PEX3: variants seen among roughly 807,000 people sequenced by gnomAD.
The protein encoded by PEX3 is peroxin-3.
PEX3 carries 30 observed loss-of-function variants against 55.8 expected under a neutral mutation model. That is an observed-to-expected ratio of 0.54 (90% CI 0.40 to 0.73). The LOEUF (loss-of-function observed/expected upper bound fraction) is 0.73, where lower values mean the gene tolerates loss of function less well. Ranked by LOEUF, PEX3 falls within the 30% of genes least tolerant of loss-of-function variation. The pLI is 0.00. For missense variants in PEX3, 351 were observed against 432.8 expected, an observed-to-expected ratio of 0.81 and a Z score of 1.68; for synonymous variants, 135 against 148.4, an observed-to-expected ratio of 0.91 and a Z score of 0.66.
chr6:143,456,572 A>G (rs1259677753), intron 1 of PEX3, among the ~76,000 whole-genome samples: 1 of 152,202 alleles, frequency 6.6e-6, no homozygotes, highest in African/African-American at 2.4e-5. Flanking sequence ...GTGTAAGGGA[A>G]AGATCTATTC....
At chr6:143,467,791 G>A (rs1484364026) in intron 3 of PEX3, among the ~76,000 whole-genome samples, 1 of 152,000 alleles carries the variant, frequency 6.6e-6, no homozygotes, top group African/African-American at 2.4e-5. Context: ...TACCTTTGAA[G>A]GATTATAGGA....
At chr6:143,467,282 A>G (rs1218384726) in intron 3 of PEX3, among the ~76,000 whole-genome samples, 2 of 152,090 alleles carry the variant, frequency 1.3e-5, no homozygotes, top group East Asian at 3.8e-4. Flanking sequence ...CCTTTTGACT[A>G]ATTTTAGACT....
rs9484753 is a variant in PEX3 at position 143,488,856 on chromosome 6, C to G, written c.1039-287C>G. On this transcript the variant is annotated intron_variant, in intron 11 of 11. Coordinates refer to ENST00000367591, the MANE Select transcript of PEX3 (RefSeq NM_003630.3). The surrounding 1 kb of genome is among the most constrained non-coding windows in gnomAD (Gnocchi z 4.9). ...CTACAATTATTTATTCAACAGATAC[C>G]TATCTAGCACTTGACATACACCAAA... Among the ~76,000 whole-genome samples, 4,634 of 152,156 alleles carry G rather than the reference C, an allele frequency of 0.03. 183 individuals are homozygous for G. Among genetic ancestry groups the G allele is most frequent in the Admixed American group, 0.1 (1,600 of 15,266 alleles).
chr6:143,458,280 T>TG lies in PEX3; in HGVS notation c.74-804dup, dbSNP rs1212371961. Among the ~76,000 whole-genome samples, 1 of 152,192 alleles carries TG rather than the reference T, an allele frequency of 6.6e-6. No individual in the cohort carries two copies. The highest frequency in any genetic ancestry group is 1.5e-5 in the Non-Finnish European group (1 of 68,024). Reference sequence around the variant, plus strand: ...GAAATCTGTTAAATCACAGGCCACATGACACCACCTATATTCTTATCCTGT... The same window carrying TG: ...GAAATCTGTTAAATCACAGGCCACATGGACACCACCTATATTCTTATCCTGT... On this transcript the variant is annotated intron_variant, in intron 1 of 11. Coordinates refer to ENST00000367591, the MANE Select transcript of PEX3 (RefSeq NM_003630.3). The surrounding 1 kb of genome is among the most constrained non-coding windows in gnomAD (Gnocchi z 6.1).
chr6:143,471,406 C>G lies in PEX3; in HGVS notation c.480C>G (p.Val160=). 1.2e-6 allele frequency: 2 copies of G among 1,608,198 alleles called. No homozygotes were observed. The highest frequency in any genetic ancestry group is 1.7e-6 in the Non-Finnish European group (2 of 1,175,062). Residue 160 remains valine (V), a synonymous_variant, in exon 6 of 12, where the codon GTC becomes GTG. Transcript: ENST00000367591. The surrounding 1 kb of genome is among the most constrained non-coding windows in gnomAD (Gnocchi z 5.4). ...AGACAATTCTTGCTCCCCCAGATGT[C>G]CAACAGCAGTATTTATCAAGTATTC... The part of the protein sequence containing the change: ...NGTTILAPPD[V]QQQYLSSIQH...
chr6:143,474,562 C>T (rs558057761), intron 8 of PEX3, among the ~76,000 whole-genome samples: 1 of 152,118 alleles, frequency 6.6e-6, no homozygotes, highest in Non-Finnish European at 1.5e-5. Context: ...AAACAGAGCT[C>T]TTACTAAGTA....
rs1780272896 is a variant in PEX3, at chr6:143,483,660, G to A, written c.942-1492G>A. Reference sequence around the variant, plus strand: ...GTTTTGAGCAGGAGAGTGATGTAATGGAATTTACATTGTATGATTTCTTTG... The same window carrying A: ...GTTTTGAGCAGGAGAGTGATGTAATAGAATTTACATTGTATGATTTCTTTG... On this transcript the variant is annotated intron_variant, in intron 10 of 11. Transcript: ENST00000367591. The surrounding 1 kb of genome is among the most constrained non-coding windows in gnomAD (Gnocchi z 4.3). Among the ~76,000 whole-genome samples the A allele has an allele frequency of 6.6e-6, 1 of 152,112 alleles. No homozygotes were observed. Among genetic ancestry groups the A allele is most frequent in the Non-Finnish European group, 1.5e-5 (1 of 68,006 alleles).
chr6:143,478,697 C>G (rs1022648705), intron 9 of PEX3, among the ~76,000 whole-genome samples: 1 of 152,082 alleles, frequency 6.6e-6, no homozygotes, highest in African/African-American at 2.4e-5. Flanking sequence ...AGTATCATTT[C>G]CTCATCTGTA....
rs1015066551 is a variant in PEX3 at position 143,465,285 on chromosome 6, TA to T, written c.287+2297del. Among the ~76,000 whole-genome samples the T allele has an allele frequency of 1.3e-5, 2 of 151,212 alleles. No individual in the cohort carries two copies. The highest frequency in any genetic ancestry group is 2.1e-4 in the South Asian group (1 of 4,798). Reference sequence around the variant, plus strand: ...CTTTTATGTAGATTTTGGAGTTTTTTAAAAAAAAATAGCATCAGTATTTAAA... The same window carrying T: ...CTTTTATGTAGATTTTGGAGTTTTTTAAAAAAAATAGCATCAGTATTTAAA... On this transcript the variant is annotated intron_variant, in intron 3 of 11. Coordinates refer to ENST00000367591, the MANE Select transcript of PEX3 (RefSeq NM_003630.3). The surrounding 1 kb of genome is among the most constrained non-coding windows in gnomAD (Gnocchi z 4.7).
At position 143,472,209 on chromosome 6, in the gene PEX3, A is replaced by G; in HGVS notation, c.628A>G (p.Lys210Glu). 6.2e-7 allele frequency: 1 copy of G among 1,610,800 alleles called. No homozygotes were observed. ...CCTTTTGGACTTGGAGCAAAAACTAAAAGAAATCAGAAATCTCGTTGAGCA... is the reference window on the plus strand; with the variant it reads ...CCTTTTGGACTTGGAGCAAAAACTAGAAGAAATCAGAAATCTCGTTGAGCA... ...LSLLDLEQKLKEIRNLVEQHK... is the reference protein window; with the variant it reads ...LSLLDLEQKLEEIRNLVEQHK... Residue 210 changes from lysine to glutamate, a missense_variant, in exon 8 of 12, where the codon AAA becomes GAA. Transcript: ENST00000367591.
In PEX3 at chr6:143,483,327, G is replaced by A. The variant is rs143450545; in HGVS notation, c.942-1825G>A. ...CTATGAGAAGTGTTATAAAGGAGAA[G>A]AACACTGAACGTATAATAGAAAAAT... On this transcript the variant is annotated intron_variant, in intron 10 of 11. Transcript: ENST00000367591. This position sits in a 1 kb window ranked among gnomAD's most constrained non-coding sequence, Gnocchi z 4.3. 4.1e-3 allele frequency among the ~76,000 whole-genome samples: 619 copies of A among 152,226 alleles called. No homozygotes were observed. The highest frequency in any genetic ancestry group is 0.013 in the African/African-American group (559 of 41,544).
At position 143,487,973 on chromosome 6, in the gene PEX3, A is replaced by G. The variant is rs1780342131; in HGVS notation, c.1039-1170A>G. The stretch of plus-strand genomic sequence containing the variant: ...AAGAGCGTGTTTGAGTTTTCTTTAC[A>G]TTTTCATAGAAATCAAAACACAAAA... On this transcript the variant is annotated intron_variant, in intron 11 of 11. Coordinates refer to ENST00000367591, the MANE Select transcript of PEX3 (RefSeq NM_003630.3). The surrounding 1 kb of genome is among the most constrained non-coding windows in gnomAD (Gnocchi z 5.3). 2.0e-5 allele frequency among the ~76,000 whole-genome samples: 3 copies of G among 152,178 alleles called. No individual in the cohort carries two copies. The South Asian group carries it at 6.2e-4, about 32-fold the overall frequency.
At position 143,470,847 on chromosome 6, in the gene PEX3, A is replaced by G. The variant is rs188937847; in HGVS notation, c.332-114A>G. On this transcript the variant is annotated intron_variant, in intron 4 of 11. Coordinates refer to ENST00000367591, the MANE Select transcript of PEX3 (RefSeq NM_003630.3). Reference sequence around the variant, plus strand: ...ATTGATATATTTTTATACTAGAAACAGTTGTAAATATGTTTTTAAAAGTCA... The same window carrying G: ...ATTGATATATTTTTATACTAGAAACGGTTGTAAATATGTTTTTAAAAGTCA... 45 of 782,758 alleles carry G rather than the reference A, an allele frequency of 5.7e-5. No individual in the cohort carries two copies. The Admixed American group carries it at 1.0e-3, about 18-fold the overall frequency. 48.5% of individuals were successfully genotyped at this position (782,758 alleles called of 1,614,324 possible).
In PEX3 at chr6:143,471,781, C is replaced by CT. The variant is rs3834741; in HGVS notation, c.578+179dup. ...GCATTGTGGGATCCATTTTCTTTAT[C>CT]TTTTTTTTTATACAGAGGGGAAAGT... On this transcript the variant is annotated intron_variant, in intron 7 of 11. Transcript: ENST00000367591. The surrounding 1 kb of genome is among the most constrained non-coding windows in gnomAD (Gnocchi z 5.4). 6.0e-5 allele frequency among the ~76,000 whole-genome samples: 9 copies of CT among 151,228 alleles called. No individual in the cohort carries two copies. Among genetic ancestry groups the CT allele is most frequent in the East Asian group, 5.8e-4 (3 of 5,148 alleles).
At chr6:143,477,314 G>C (rs748217047) in intron 9 of PEX3, among the ~76,000 whole-genome samples, 2 of 152,118 alleles carry the variant, frequency 1.3e-5, no homozygotes, top group Non-Finnish European at 2.9e-5. Flanking sequence ...TCCATGAGAC[G>C]AGTAATTTTT....
rs1464033212 is a variant in PEX3 at position 143,471,933 on chromosome 6, A to G, written c.579-227A>G. Among the ~76,000 whole-genome samples, 2 of 152,156 alleles carry G rather than the reference A, an allele frequency of 1.3e-5. No individual in the cohort carries two copies. The highest frequency in any genetic ancestry group is 4.8e-5 in the African/African-American group (2 of 41,440). On this transcript the variant is annotated intron_variant, in intron 7 of 11. Transcript: ENST00000367591. This position sits in a 1 kb window ranked among gnomAD's most constrained non-coding sequence, Gnocchi z 5.4. ...TCCCATTTATACTAGTAATATCTAT[A>G]ATTACAGTAGGAATTCTCTTATGGA...
chr6:143,474,655 T>A lies in PEX3; in HGVS notation c.748-131T>A, dbSNP rs72990740. The stretch of plus-strand genomic sequence containing the variant: ...AGGTTTTTATTTTGGTGGGGGAGGG[T>A]CTAACTTTTTTTATTGTTGATAGAA... On this transcript the variant is annotated intron_variant, in intron 8 of 11. Coordinates refer to ENST00000367591, the MANE Select transcript of PEX3 (RefSeq NM_003630.3). 6.9e-3 allele frequency: 4,586 copies of A among 662,558 alleles called. 22 individuals are homozygous for A. Among genetic ancestry groups the A allele is most frequent in the Non-Finnish European group, 9.8e-3 (3,628 of 368,472 alleles). 41.0% of individuals were successfully genotyped at this position (662,558 alleles called of 1,614,324 possible).
Position 143,451,021 on chromosome 6 carries a change from C to T in PEX3, c.-22C>T, listed in dbSNP as rs752718955. ...GAAGCAGTCCCTCACCCCTAGTCAG[C>T]CCACACCCCTAGGGCCTAAAGATGC... On this transcript the variant is annotated 5_prime_UTR_variant, in exon 1 of 12. Transcript: ENST00000367591. This position sits in a 1 kb window ranked among gnomAD's most constrained non-coding sequence, Gnocchi z 4.1. 4 of 1,579,032 alleles carry T rather than the reference C, an allele frequency of 2.5e-6. No individual in the cohort carries two copies. The highest frequency in any genetic ancestry group is 1.7e-4 in the Middle Eastern group (1 of 6,014).
chr6:143,468,809 C>CA (rs1584008932), intron 4 of PEX3, among the ~76,000 whole-genome samples: 1 of 72,892 alleles, frequency 1.4e-5, no homozygotes, highest in Non-Finnish European at 2.6e-5. Context: ...TATCCCCCCC[C>CA]CCCCCACCCC....
Sources: allele counts gnomAD v4.1 joint callset (sites outside exome capture counted in the v4.1 genomes callset), GRCh38; gene constraint gnomAD v4.1.1; non-coding constraint Gnocchi (gnomAD v3.1); transcripts MANE v1.5; gene names NCBI Gene and HGNC (gene_info 2026-07-23, HGNC 2026-07-21).